Variants in SPEF2 observed in about 807,000 individuals in gnomAD.
SPEF2 encodes the protein sperm flagellar and cilia associated 2.
In SPEF2, 187 loss-of-function variants were observed where a neutral mutation model predicts 224.6. The ratio of observed to expected loss-of-function variants is 0.83; its 90% confidence interval spans 0.74 to 0.94. The LOEUF (loss-of-function observed/expected upper bound fraction) is 0.94, where lower values mean the gene tolerates loss of function less well. SPEF2 is among the 40% of genes least tolerant of loss of function. The pLI is 0.00. For synonymous variants in SPEF2, 715 were observed against 707.3 expected (o/e 1.01, Z -0.17); for missense variants, 2,170 against 2,135.6 (o/e 1.02, Z -0.32).
chr5:35,636,786 C>G (rs1323488906), intron 2 of SPEF2, among the ~76,000 whole-genome samples: 1 of 151,792 alleles, frequency 6.6e-6, no homozygotes, highest in Non-Finnish European at 1.5e-5. Flanking sequence ...ATGAGCCTGG[C>G]CAACATGGTG....
intron 11 of SPEF2, 45 bp from the exon 12 acceptor site, chr5:35,692,525 T>G: frequency 6.8e-7 from 1 of 1,475,036 alleles, no homozygotes. Context: ...CAATTTCCAT[T>G]TCCCAAATGA....
intron 24 of SPEF2, among the ~76,000 whole-genome samples, chr5:35,756,645 G>A (rs933750902): frequency 6.6e-6 from 1 of 152,154 alleles, no homozygotes; most frequent in African/African-American, 2.4e-5. Flanking sequence ...AAGAATCTGT[G>A]GTGTTGGGTA....
At chr5:35,681,291 C>T (rs1752762738) in intron 10 of SPEF2, among the ~76,000 whole-genome samples, 1 of 152,080 alleles carries the variant, frequency 6.6e-6, no homozygotes, top group African/African-American at 2.4e-5. Context: ...TCTAATAATA[C>T]AAATAAGATC....
intron 1 of SPEF2, among the ~76,000 whole-genome samples, chr5:35,619,042 A>C (rs1189540495): frequency 6.6e-6 from 1 of 152,122 alleles, no homozygotes; most frequent in Non-Finnish European, 1.5e-5. Flanking sequence ...GTGGGTGCAA[A>C]GTAGTTATTA....
chr5:35,696,442 G>GAA (rs200403509), intron 14 of SPEF2, among the ~76,000 whole-genome samples: 1 of 152,052 alleles, frequency 6.6e-6, no homozygotes, highest in African/African-American at 2.4e-5. Context: ...AATGGGTTCA[G>GAA]AAAAAACAGG....
intron 1 of SPEF2, among the ~76,000 whole-genome samples, chr5:35,623,423 A>T (rs1373756534): frequency 3.9e-5 from 6 of 152,212 alleles, no homozygotes; most frequent in Non-Finnish European, 8.8e-5. Flanking sequence ...AGTAAATGCC[A>T]CTGAGCATAA....
At chr5:35,647,055 C>A (rs1747475927) in intron 5 of SPEF2, among the ~76,000 whole-genome samples, 1 of 150,410 alleles carries the variant, frequency 6.6e-6, no homozygotes, top group Non-Finnish European at 1.5e-5. Context: ...GCAGTCTGGA[C>A]TCCTGTGTTG....
At chr5:35,749,561 G>A (rs1159649628) in intron 23 of SPEF2, among the ~76,000 whole-genome samples, 2 of 151,590 alleles carry the variant, frequency 1.3e-5, no homozygotes, top group African/African-American at 2.4e-5. Flanking sequence ...CACCAACATC[G>A]ACCAAGCAGA....
At chr5:35,701,870 A>G (rs1003464221) in intron 16 of SPEF2, among the ~76,000 whole-genome samples, 1 of 152,050 alleles carries the variant, frequency 6.6e-6, no homozygotes, top group Non-Finnish European at 1.5e-5. Context: ...TCCTAGCTAC[A>G]TGGGAGGCTG....
At chr5:35,702,598 T>C (rs191102949) in intron 16 of SPEF2, among the ~76,000 whole-genome samples, 18 of 152,326 alleles carry the variant, frequency 1.2e-4, no homozygotes, top group Admixed American at 3.3e-4. Context: ...TTTGTATATC[T>C]GGGTGCTGAC....
At chr5:35,695,880 T>TTTCATTGCATTC in intron 14 of SPEF2, 84 bp downstream of exon 14, 5 of 1,008,702 alleles carry the variant, frequency 5.0e-6, no homozygotes, top group Non-Finnish European at 7.2e-6. Context: ...TCGAATGCAA[T>TTTCATTGCATTC]GAAATTGCAA....
chr5:35,766,826 T>C lies in SPEF2; in HGVS notation c.3801+3124T>C, dbSNP rs1752153951. 1.3e-5 allele frequency among the ~76,000 whole-genome samples: 2 copies of C among 151,890 alleles called. 1 individual carries two copies. Among genetic ancestry groups the C allele is most frequent in the South Asian group, 4.1e-4 (2 of 4,834 alleles). On this transcript the variant is annotated intron_variant, in intron 26 of 36. Transcript: ENST00000356031. The stretch of plus-strand genomic sequence containing the variant: ...TAGCTTCATCTCAAAGTTTCTAATA[T>C]GTTACTTTTATCATCGAATTCAAAG...
At chr5:35,669,055 G>A (rs1282348757) in intron 9 of SPEF2, among the ~76,000 whole-genome samples, 2 of 151,926 alleles carry the variant, frequency 1.3e-5, no homozygotes, top group African/African-American at 4.8e-5. Flanking sequence ...GTCTGTAGCC[G>A]TTAAATAATA....
At chr5:35,727,182 C>T (rs193057195) in intron 20 of SPEF2, among the ~76,000 whole-genome samples, 3 of 152,280 alleles carry the variant, frequency 2.0e-5, no homozygotes, top group Admixed American at 6.5e-5. Context: ...TCAACAGCCC[C>T]TCTTCTCCTC....
chr5:35,648,364 G>GA (rs973126152), intron 5 of SPEF2, among the ~76,000 whole-genome samples: 2 of 146,424 alleles, frequency 1.4e-5, no homozygotes, highest in African/African-American at 2.5e-5. Flanking sequence ...GTTGATTAAA[G>GA]TTTTTTTTTT....
At chr5:35,695,840 T>A in intron 14 of SPEF2, 44 bp downstream of exon 14, 1 of 1,442,934 alleles carries the variant, frequency 6.9e-7, no homozygotes, top group Non-Finnish European at 9.6e-7. Flanking sequence ...TATTAAAACC[T>A]GTCATGATTA....
chr5:35,711,766 G>T (rs1343755695), intron 19 of SPEF2, among the ~76,000 whole-genome samples: 1 of 148,168 alleles, frequency 6.7e-6, no homozygotes, highest in African/African-American at 2.5e-5. Context: ...GATATTTAAT[G>T]TAAGTGAAAT....
chr5:35,642,643 C>A (rs1494583), intron 3 of SPEF2, among the ~76,000 whole-genome samples: 53,105 of 152,134 alleles, frequency 0.35, 10,318 homozygotes, highest in East Asian at 0.55. Flanking sequence ...CAATTCTCTC[C>A]AGTTTTTATG....
rs371139224 is a variant in SPEF2 at position 35,806,795 on chromosome 5, C to G, written c.5099C>G (p.Thr1700Arg). 1 of 1,613,668 alleles carries G rather than the reference C, an allele frequency of 6.2e-7. No homozygotes were observed. The highest frequency in any genetic ancestry group is 8.5e-7 in the Non-Finnish European group (1 of 1,179,880). Reference protein sequence around the residue: ...AREERKLKDDTEKREQKDEEI... With the variant: ...AREERKLKDDREKREQKDEEI... ...GAAGAAAGGAAATTAAAAGACGACA[C>G]GGAGAAAAGGGAACAGAAGGATGAA... The change falls in exon 35 of 37, where the codon ACG (threonine) becomes AGG (arginine). Residue 1700 changes from threonine (T) to arginine (R), a missense_variant. Transcript: ENST00000356031.
Sources: allele counts gnomAD v4.1 joint callset (sites outside exome capture counted in the v4.1 genomes callset), GRCh38; gene constraint gnomAD v4.1.1; transcripts MANE v1.5; gene names NCBI Gene and HGNC (gene_info 2026-07-23, HGNC 2026-07-21).